The following PPFIBP1 variants were observed in gnomAD, a reference collection of about 807,000 sequenced individuals.
PPFIBP1 encodes liprin-beta-1.
PPFIBP1 carries 112 observed loss-of-function variants against 137.8 expected under a neutral mutation model. That is an observed-to-expected ratio of 0.81 (90% CI 0.70 to 0.95). The LOEUF (loss-of-function observed/expected upper bound fraction) is 0.95. Ranked by LOEUF, PPFIBP1 falls within the 40% of genes least tolerant of loss-of-function variation. The probability of loss-of-function intolerance (pLI) is 0.00; values close to 1 mark genes in which losing one functional copy is unlikely to be tolerated. For synonymous variants in PPFIBP1, 378 were observed against 417.3 expected, an observed-to-expected ratio of 0.91 and a Z score of 1.15; for missense variants, 1,083 against 1,196.6, an observed-to-expected ratio of 0.91 and a Z score of 1.40.
rs1382043751 is a variant in PPFIBP1 at position 27,524,549 on chromosome 12, TG to T, written c.-124+188del. On this transcript the variant is annotated intron_variant, in intron 1 of 29. Coordinates refer to ENST00000228425, the MANE Select transcript of PPFIBP1 (RefSeq NM_003622.4). ...GGGTGGAGGGGTAGGGCTTAACTCC[TG>T]GGGCTTGGACCGAGCTTGTACGTGA... Among the ~76,000 whole-genome samples, 5 of 151,998 alleles carry T rather than the reference TG, an allele frequency of 3.3e-5. No individual in the cohort carries two copies. The East Asian group carries it at 5.8e-4, about 18-fold the overall frequency.
chr12:27,533,545 A>G (rs1441367797), intron 1 of PPFIBP1, among the ~76,000 whole-genome samples: 1 of 152,220 alleles, frequency 6.6e-6, no homozygotes, highest in Non-Finnish European at 1.5e-5. Context: ...GCCTCTTCAT[A>G]GTCCTACCTC....
chr12:27,543,095 G>T (rs905923357), intron 1 of PPFIBP1, among the ~76,000 whole-genome samples: 4 of 152,018 alleles, frequency 2.6e-5, no homozygotes, highest in Non-Finnish European at 5.9e-5. Flanking sequence ...AGATTTGATG[G>T]GTCTTTACGC....
chr12:27,526,659 C>T (rs1592250461), intron 1 of PPFIBP1, among the ~76,000 whole-genome samples: 2 of 152,120 alleles, frequency 1.3e-5, no homozygotes, highest in South Asian at 4.1e-4. Context: ...CATGGTGAAA[C>T]CCCATTTCTA....
At chr12:27,657,065 C>T (rs868482335) in intron 9 of PPFIBP1, 5 of 186,026 alleles carry the variant, frequency 2.7e-5, no homozygotes, top group South Asian at 1.2e-4. Context: ...CCCTGTGTCC[C>T]GGGATCGTTG....
intron 17 of PPFIBP1, 40 bp downstream of exon 17, chr12:27,674,261 C>G (rs1227190880): frequency 6.6e-7 from 1 of 1,507,342 alleles, no homozygotes; most frequent in African/African-American, 1.4e-5. Context: ...AATATTTCTA[C>G]TTCCATTACA....
intron 25 of PPFIBP1, among the ~76,000 whole-genome samples, chr12:27,687,973 T>C (rs1171667261): frequency 6.6e-6 from 1 of 152,028 alleles, no homozygotes; most frequent in Non-Finnish European, 1.5e-5. Context: ...TGGTCCCAGC[T>C]ACTCAGGAGG....
chr12:27,658,429 C>T (rs2059346888), intron 9 of PPFIBP1, among the ~76,000 whole-genome samples: 1 of 152,174 alleles, frequency 6.6e-6, no homozygotes, highest in Non-Finnish European at 1.5e-5. Context: ...GTGACACAAG[C>T]AGTGTTCTAG....
chr12:27,691,630 A>G (rs2061551498), intron 27 of PPFIBP1, 119 bp from the exon 28 acceptor site: 1 of 678,884 alleles, frequency 1.5e-6, no homozygotes, highest in Non-Finnish European at 2.4e-6. Context: ...GGGGTAAATA[A>G]TTAAATTATA....
intron 12 of PPFIBP1, among the ~76,000 whole-genome samples, chr12:27,666,540 A>G (rs558264669): frequency 5.9e-5 from 9 of 152,288 alleles, no homozygotes; most frequent in Non-Finnish European, 8.8e-5. Context: ...GCTGTTCACC[A>G]TTTAATCCCT....
intron 1 of PPFIBP1, among the ~76,000 whole-genome samples, chr12:27,537,086 A>G (rs958491272): frequency 6.6e-6 from 1 of 152,054 alleles, no homozygotes; most frequent in Non-Finnish European, 1.5e-5. Flanking sequence ...TCTCTGATAC[A>G]GACCTTGCCG....
chr12:27,646,340 C>G (rs1403191246), intron 5 of PPFIBP1, 192 bp downstream of exon 5: 1 of 622,514 alleles, frequency 1.6e-6, no homozygotes, highest in South Asian at 1.5e-5. Context: ...TTAAAAGGAG[C>G]TACCATTAAT....
chr12:27,600,900 A>G (rs1242363402), intron 2 of PPFIBP1, among the ~76,000 whole-genome samples: 1 of 152,188 alleles, frequency 6.6e-6, no homozygotes, highest in Non-Finnish European at 1.5e-5. Flanking sequence ...ATACATATAT[A>G]TTGTGGAATG....
intron 1 of PPFIBP1, among the ~76,000 whole-genome samples, chr12:27,538,919 T>C (rs1438258163): frequency 2.0e-5 from 3 of 152,186 alleles, no homozygotes; most frequent in Non-Finnish European, 2.9e-5. Context: ...CATTTGGCAA[T>C]GTCAAGAGAC....
At chr12:27,660,491 T>A (rs935841584) in intron 10 of PPFIBP1, among the ~76,000 whole-genome samples, 1 of 152,240 alleles carries the variant, frequency 6.6e-6, no homozygotes, top group Non-Finnish European at 1.5e-5. Flanking sequence ...TCATTTTCTC[T>A]GCTTTTGTCA....
At chr12:27,676,879 T>G (rs2060546321) in intron 18 of PPFIBP1, 185 bp from the exon 19 acceptor site, 1 of 803,022 alleles carries the variant, frequency 1.2e-6, no homozygotes, top group Admixed American at 2.0e-5. Flanking sequence ...CCATCTGTTG[T>G]GATAGTGGAT....
Position 27,671,564 on chromosome 12 carries a change from A to T in PPFIBP1, c.1262+18A>T. 2 of 1,428,330 alleles carry T rather than the reference A, an allele frequency of 1.4e-6. No homozygotes were observed. The highest frequency in any genetic ancestry group is 1.2e-5 in the South Asian group (1 of 80,120). The allele number at this position is 1,428,330 out of a possible 1,614,324, so 88.5% of individuals were successfully genotyped here. ...GAAGAAAAGTATGTCATTTATTAACAGTGCAATATAAATGTTCAAAAAAGT... is the reference window on the plus strand; with the variant it reads ...GAAGAAAAGTATGTCATTTATTAACTGTGCAATATAAATGTTCAAAAAAGT... On this transcript the variant is annotated intron_variant, in intron 14 of 29. Transcript: ENST00000228425.
chr12:27,587,241 A>G (rs1197791464), intron 2 of PPFIBP1, among the ~76,000 whole-genome samples: 2 of 152,236 alleles, frequency 1.3e-5, no homozygotes, highest in African/African-American at 4.8e-5. Context: ...AGAATTGTCC[A>G]GTTTACATCA....
At position 27,635,102 on chromosome 12, in the gene PPFIBP1, T is replaced by G; in HGVS notation, c.257T>G (p.Leu86Arg). ...ACAGCAGAAACGCTTGTTGAATGGC[T>G]TCAGAGTCAAATGGTAGGGTCTGCC... is the stretch of plus-strand genomic sequence containing the variant. ...DSTAETLVEW[L>R]QSQMTNGHLP... is the part of the protein sequence containing the mutation. Residue 86 changes from leucine to arginine, a missense_variant, in exon 4 of 30, where the codon CTT (leucine) becomes CGT (arginine). Physicochemically the swap from Leu to Arg is moderately radical, Grantham distance 102. Coordinates refer to ENST00000228425, the MANE Select transcript of PPFIBP1 (RefSeq NM_003622.4). 2 of 1,614,184 alleles carry G rather than the reference T, an allele frequency of 1.2e-6. No homozygotes were observed. Among genetic ancestry groups the G allele is most frequent in the Non-Finnish European group, 1.7e-6 (2 of 1,179,976 alleles).
intron 1 of PPFIBP1, among the ~76,000 whole-genome samples, chr12:27,536,978 T>A (rs1945091863): frequency 6.6e-6 from 1 of 152,132 alleles, no homozygotes; most frequent in Non-Finnish European, 1.5e-5. Context: ...CCTAGGGGAC[T>A]CTCTTCTGGT....
Sources: gnomAD v4.1 joint callset for allele counts (sites outside exome capture counted in the v4.1 genomes callset) on GRCh38, gnomAD v4.1.1 for gene constraint, MANE v1.5 for transcripts, NCBI Gene and HGNC (gene_info 2026-07-23, HGNC 2026-07-21) for gene names.